The following ASAP1 variants were observed in gnomAD, a reference collection of about 807,000 sequenced individuals.
ASAP1 encodes the protein arf-GAP with SH3 domain, ANK repeat and PH domain-containing protein 1.
ASAP1 carries 43 observed loss-of-function variants against 145.2 expected under a neutral mutation model. That is an observed-to-expected ratio of 0.30 (90% CI 0.23 to 0.38). The LOEUF (loss-of-function observed/expected upper bound fraction) is 0.38, where lower values mean the gene tolerates loss of function less well. Ranked by LOEUF, ASAP1 falls within the 10% of genes least tolerant of loss-of-function variation. The probability of loss-of-function intolerance (pLI) is 1.00; values close to 1 mark genes in which losing one functional copy is unlikely to be tolerated. For missense variants in ASAP1, 1,018 were observed against 1,355.3 expected (o/e 0.75, Z 3.91); for synonymous variants, 546 against 515.5 (o/e 1.06, Z -0.80).
intron 16 of ASAP1, among the ~76,000 whole-genome samples, chr8:130,126,480 T>A (rs778522731): frequency 1.3e-5 from 2 of 152,184 alleles, no homozygotes; most frequent in Non-Finnish European, 2.9e-5. Flanking sequence ...GCAACTAACA[T>A]TAACCTCAAC....
chr8:130,301,391 A>T (rs934458170), intron 3 of ASAP1, among the ~76,000 whole-genome samples: 3 of 152,210 alleles, frequency 2.0e-5, no homozygotes, highest in Non-Finnish European at 4.4e-5. Context: ...TCCTTCTGTT[A>T]CCTAGTAGCA....
intron 3 of ASAP1, among the ~76,000 whole-genome samples, chr8:130,329,255 G>A (rs1431833065): frequency 6.6e-6 from 1 of 152,170 alleles, no homozygotes; most frequent in Non-Finnish European, 1.5e-5. Context: ...TTCCATCCTG[G>A]TCTCTGTTGC....
chr8:130,066,068 T>G (rs1200886615), intron 27 of ASAP1, among the ~76,000 whole-genome samples: 1 of 152,230 alleles, frequency 6.6e-6, no homozygotes, highest in Non-Finnish European at 1.5e-5. Context: ...ACCTTACCAA[T>G]GCCCCCAGTA....
At chr8:130,375,931 T>A (rs1041417019) in intron 2 of ASAP1, among the ~76,000 whole-genome samples, 1 of 152,204 alleles carries the variant, frequency 6.6e-6, no homozygotes, top group Admixed American at 6.5e-5. Context: ...TTCCATGTGA[T>A]CTGATGTCCT....
chr8:130,067,414 T>C (rs772302423), intron 27 of ASAP1, among the ~76,000 whole-genome samples: 5 of 152,192 alleles, frequency 3.3e-5, no homozygotes, highest in African/African-American at 4.8e-5. Context: ...GATTGATTGA[T>C]TGACAGGGTC....
intron 1 of ASAP1, among the ~76,000 whole-genome samples, chr8:130,440,344 T>G (rs1314254564): frequency 6.6e-6 from 1 of 152,000 alleles, no homozygotes; most frequent in Admixed American, 6.6e-5. Flanking sequence ...CCGTCTCTAC[T>G]AAAAATATAA....
chr8:130,170,116 G>A (rs12545910), intron 9 of ASAP1, among the ~76,000 whole-genome samples: 27,786 of 152,114 alleles, frequency 0.18, 3,024 homozygotes, highest in East Asian at 0.43. Flanking sequence ...CATGAGGACT[G>A]TCTCATCTCC....
chr8:130,182,710 G>A (rs1241258672), intron 7 of ASAP1, among the ~76,000 whole-genome samples: 1 of 151,886 alleles, frequency 6.6e-6, no homozygotes, highest in Non-Finnish European at 1.5e-5. Context: ...ATAACAAAAG[G>A]GGGAGGGTTG....
At chr8:130,203,398 T>C (rs1815995442) in intron 5 of ASAP1, among the ~76,000 whole-genome samples, 2 of 152,154 alleles carry the variant, frequency 1.3e-5, no homozygotes, top group African/African-American at 4.8e-5. Context: ...CTCCCCTCAC[T>C]AACCCGTGTT....
chr8:130,300,151 C>CAGAGAGAGGGAGAGAGAGAGAGAGAGAG (rs1234117059), intron 3 of ASAP1, among the ~76,000 whole-genome samples: 1 of 84,736 alleles, frequency 1.2e-5, no homozygotes, highest in African/African-American at 4.5e-5. Context: ...CACACACACA[C>CAGAGAGAGGGAGAGAGAGAGAGAGAGAG]ACAGAGAGAG....
At chr8:130,325,743 A>C (rs962619978) in intron 3 of ASAP1, among the ~76,000 whole-genome samples, 2 of 152,198 alleles carry the variant, frequency 1.3e-5, no homozygotes, top group Non-Finnish European at 2.9e-5. Flanking sequence ...GCAGGGCTAA[A>C]TGCTTTTCCA....
intron 4 of ASAP1, among the ~76,000 whole-genome samples, chr8:130,227,979 G>A (rs1336765610): frequency 6.6e-5 from 10 of 152,168 alleles, no homozygotes; most frequent in Admixed American, 6.5e-4. Flanking sequence ...AAAAGGGGCA[G>A]GTCTCTTTGG....
chr8:130,361,331 G>C (rs1826698914), intron 2 of ASAP1, among the ~76,000 whole-genome samples: 1 of 152,186 alleles, frequency 6.6e-6, no homozygotes, highest in Non-Finnish European at 1.5e-5. Flanking sequence ...AGGAGTGAGT[G>C]TGTCAAAATG....
intron 3 of ASAP1, among the ~76,000 whole-genome samples, chr8:130,262,436 GAGAGAGAGAGAGAGAGAGA>G (rs1819985270): frequency 7.2e-6 from 1 of 138,258 alleles, no homozygotes; most frequent in African/African-American, 2.7e-5. Context: ...GAGAGAGAGA[GAGAGAGAGAGAGAGAGAGA>G]GAACCTGTGG....
chr8:130,158,101 A>C (rs1035136636), intron 12 of ASAP1, among the ~76,000 whole-genome samples: 2 of 152,202 alleles, frequency 1.3e-5, no homozygotes, highest in African/African-American at 4.8e-5. Context: ...TTAGAAGAGA[A>C]ATATTTATAA....
intron 14 of ASAP1, among the ~76,000 whole-genome samples, chr8:130,135,321 T>C (rs1198082132): frequency 2.0e-5 from 3 of 151,944 alleles, no homozygotes; most frequent in Non-Finnish European, 2.9e-5. Flanking sequence ...ACCCTGCCTC[T>C]AGACAAAAAA....
chr8:130,169,160 C>T, intron 9 of ASAP1, 93 bp from the exon 10 acceptor site: 1 of 720,054 alleles, frequency 1.4e-6, no homozygotes, highest in Non-Finnish European at 2.3e-6. Context: ...ACTATAATAA[C>T]CTACAAAATC....
chr8:130,376,661 G>A (rs1424002601), intron 2 of ASAP1, among the ~76,000 whole-genome samples: 1 of 152,048 alleles, frequency 6.6e-6, no homozygotes, highest in African/African-American at 2.4e-5. Flanking sequence ...GGGAGTCAGG[G>A]GTTGCAGTGA....
Position 130,077,624 on chromosome 8 carries a change from C to CA in ASAP1, c.2643-1219dup, listed in dbSNP as rs1468448488. Among the ~76,000 whole-genome samples, 4 of 139,146 alleles carry CA rather than the reference C, an allele frequency of 2.9e-5. No homozygotes were observed. In the East Asian group the frequency reaches 9.3e-4, roughly 32 times the overall value. 91.3% of individuals were successfully genotyped at this position (139,146 alleles called of 152,430 possible). ...GCAGTGGCACGATCTCAGCTCACTGCAACCTCTGCTTCCCGGGATCAAGCG... is the reference window on the plus strand; with the variant it reads ...GCAGTGGCACGATCTCAGCTCACTGCAAACCTCTGCTTCCCGGGATCAAGCG... On this transcript the variant is annotated intron_variant, in intron 26 of 29. Coordinates refer to ENST00000518721, the MANE Select transcript of ASAP1 (RefSeq NM_018482.4).
Sources: allele counts gnomAD v4.1 joint callset (sites outside exome capture counted in the v4.1 genomes callset), GRCh38; gene constraint gnomAD v4.1.1; transcripts MANE v1.5; gene names NCBI Gene and HGNC (gene_info 2026-07-23, HGNC 2026-07-21).